UNC5CL: variants seen among roughly 807,000 people sequenced by gnomAD.
UNC5CL encodes unc-5 family C-terminal like.
Under a neutral mutation model 54.1 loss-of-function variants are expected in UNC5CL, and 42 were observed. The observed-to-expected ratio is 0.78, with a 90% CI of 0.61 to 1.00. The LOEUF (loss-of-function observed/expected upper bound fraction) is 1.00, where lower values mean the gene tolerates loss of function less well. UNC5CL is among the 50% of genes least tolerant of loss of function. UNC5CL has a pLI of 0.00. For missense variants in UNC5CL, 619 were observed against 675.6 expected (o/e 0.92, Z 0.93); for synonymous variants, 285 against 285.1 (o/e 1.00, Z 0.00).
At position 41,028,391 on chromosome 6, in the gene UNC5CL, C is replaced by T; in HGVS notation, c.1539G>A (p.Glu513=). ...TGGGCGCTCAGAGCTTCTCGTCCAG[C>T]TCCAGGCCCTGGTTATCCCGGGCGC... ...RGGARDNQGL[E]LDEKL Residue 513 remains glutamate, a synonymous_variant, in exon 9 of 9, where the codon GAG becomes GAA. Transcript: ENST00000244565. The surrounding 1 kb of genome is among the most constrained non-coding windows in gnomAD (Gnocchi z 4.3). 2 of 1,594,220 alleles carry T rather than the reference C, an allele frequency of 1.3e-6. No individual in the cohort carries two copies. Among genetic ancestry groups the T allele is most frequent in the South Asian group, 2.2e-5 (2 of 89,448 alleles).
At chr6:41,036,168 A>G (rs763698240) in intron 1 of UNC5CL, among the ~76,000 whole-genome samples, 27 of 152,386 alleles carry the variant, frequency 1.8e-4, no homozygotes, top group Admixed American at 3.3e-4. Flanking sequence ...TAAAAAGAAC[A>G]GGAGAAATTA....
At position 41,028,352 on chromosome 6, in the gene UNC5CL, C is replaced by T. The variant is rs1475858646; in HGVS notation, c.*21G>A. 6.5e-7 allele frequency: 1 copy of T among 1,547,602 alleles called. No homozygotes were observed. Among genetic ancestry groups the T allele is most frequent in the African/African-American group, 1.4e-5 (1 of 73,588 alleles). On this transcript the variant is annotated 3_prime_UTR_variant, in exon 9 of 9. Transcript: ENST00000244565. This position sits in a 1 kb window ranked among gnomAD's most constrained non-coding sequence, Gnocchi z 4.3. ...AACCCCTCTCGCCCCTACACCTCCT[C>T]CGGCCCTGCCCGCTGGGCGCTCAGA...
rs1762409305 is a variant in UNC5CL, at chr6:41,028,167, G to T, written c.*206C>A. The T allele has an allele frequency of 3.4e-6, 2 of 593,740 alleles. No homozygotes were observed. The highest frequency in any genetic ancestry group is 5.8e-6 in the Non-Finnish European group (2 of 343,614). 36.8% of individuals were successfully genotyped at this position (593,740 alleles called of 1,614,324 possible). On this transcript the variant is annotated 3_prime_UTR_variant, in exon 9 of 9. Coordinates refer to ENST00000244565, the MANE Select transcript of UNC5CL (RefSeq NM_173561.3). The surrounding 1 kb of genome is among the most constrained non-coding windows in gnomAD (Gnocchi z 4.3). The stretch of plus-strand genomic sequence containing the variant: ...GGCTCCTGCGCCCTCTGCCGGCCAG[G>T]AGGGGACCCGCACGCGGGACAGCTC...
In UNC5CL at chr6:41,028,364, G is replaced by T. The variant is rs1412741175; in HGVS notation, c.*9C>A. 1.9e-6 allele frequency: 3 copies of T among 1,561,778 alleles called. No homozygotes were observed. The highest frequency in any genetic ancestry group is 1.9e-5 in the Admixed American group (1 of 52,252). ...CCCTACACCTCCTCCGGCCCTGCCCGCTGGGCGCTCAGAGCTTCTCGTCCA... is the reference window on the plus strand; with the variant it reads ...CCCTACACCTCCTCCGGCCCTGCCCTCTGGGCGCTCAGAGCTTCTCGTCCA... On this transcript the variant is annotated 3_prime_UTR_variant, in exon 9 of 9. Coordinates refer to ENST00000244565, the MANE Select transcript of UNC5CL (RefSeq NM_173561.3). This position sits in a 1 kb window ranked among gnomAD's most constrained non-coding sequence, Gnocchi z 4.3.
At chr6:41,032,763 G>GAA in intron 4 of UNC5CL, 121 bp downstream of exon 4, 2 of 1,370,508 alleles carry the variant, frequency 1.5e-6, no homozygotes, top group Non-Finnish European at 1.9e-6. Context: ...TCCATCTCGG[G>GAA]AAAAAAAAAG....
chr6:41,034,689 C>G lies in UNC5CL; in HGVS notation c.385+1G>C. 1 of 1,600,658 alleles carries G rather than the reference C, an allele frequency of 6.2e-7. No homozygotes were observed. On this transcript the variant is annotated splice_donor_variant, in intron 2 of 8. Coordinates refer to ENST00000244565, the MANE Select transcript of UNC5CL (RefSeq NM_173561.3). LOFTEE classifies it high-confidence loss of function. The stretch of plus-strand genomic sequence containing the variant: ...CGGAGATGAGAGCCAGGAGCTGTTA[C>G]CTGGTGGGATGAGCAAGGAGATGCC...
At chr6:41,035,191 A>C in intron 1 of UNC5CL, 56 bp from the exon 2 acceptor site, 8 of 1,358,910 alleles carry the variant, frequency 5.9e-6, no homozygotes, top group Non-Finnish European at 7.8e-6. Flanking sequence ...TGTGGAGGTC[A>C]AGGCTTGGCT....
intron 8 of UNC5CL, 126 bp downstream of exon 8, chr6:41,030,261 TG>T: frequency 1.2e-6 from 1 of 801,704 alleles, no homozygotes; most frequent in Non-Finnish European, 2.1e-6. Flanking sequence ...GGAAATAGGG[TG>T]GACAGTAGCC....
intron 2 of UNC5CL, 145 bp downstream of exon 2, chr6:41,034,545 C>T (rs1762495613): frequency 1.8e-6 from 2 of 1,106,232 alleles, no homozygotes; most frequent in Non-Finnish European, 2.5e-6. Flanking sequence ...GTAATATGTC[C>T]ATCCCTGAAG....
intron 6 of UNC5CL, among the ~76,000 whole-genome samples, chr6:41,031,378 A>G (rs937524274): frequency 3.0e-4 from 45 of 152,212 alleles, no homozygotes; most frequent in African/African-American, 1.0e-3. Flanking sequence ...ATCAGCCTAG[A>G]AAGAAACCAT....
chr6:41,034,085 C>T lies in UNC5CL; in HGVS notation c.482G>A (p.Ser161Asn), dbSNP rs536857007. ...ATGGGGGCCACATGCCACCACAGGG[C>T]TTACCAGCCCCTGGGCTTGGGACAG... Reference protein sequence around the residue: ...PSLSQAQGLVSPVVACGPHGA... With the variant: ...PSLSQAQGLVNPVVACGPHGA... Residue 161 changes from serine (S) to asparagine (N), a missense_variant, in exon 3 of 9, where the codon AGC becomes AAC. Physicochemically the swap from Ser to Asn is conservative, Grantham distance 46. Transcript: ENST00000244565. 6.2e-7 allele frequency: 1 copy of T among 1,614,172 alleles called. No individual in the cohort carries two copies. Among genetic ancestry groups the T allele is most frequent in the African/African-American group, 1.3e-5 (1 of 75,058 alleles).
At chr6:41,035,874 C>T (rs969622878) in intron 1 of UNC5CL, among the ~76,000 whole-genome samples, 9 of 152,256 alleles carry the variant, frequency 5.9e-5, no homozygotes, top group African/African-American at 2.2e-4. Context: ...CCACCTCCTG[C>T]CTCAATACTG....
At chr6:41,036,932 C>T (rs1001292337) in intron 1 of UNC5CL, among the ~76,000 whole-genome samples, 3 of 152,050 alleles carry the variant, frequency 2.0e-5, no homozygotes, top group Admixed American at 1.3e-4. Flanking sequence ...CCTCCTCCTA[C>T]TTCCCCTCTT....
chr6:41,030,261 T>C lies in UNC5CL; in HGVS notation c.1334+127A>G, dbSNP rs956266310. ...AGCTGCCCTTTTATGGGAAATAGGG[T>C]GGACAGTAGCCATTCTCTGACTTTT... On this transcript the variant is annotated intron_variant, in intron 8 of 8. Transcript: ENST00000244565. 3.9e-5 allele frequency: 31 copies of C among 801,706 alleles called. No individual in the cohort carries two copies. In the African/African-American group the frequency reaches 4.4e-4, roughly 11 times the overall value. The allele number at this position is 801,706 out of a possible 1,614,324, so 49.7% of individuals were successfully genotyped here.
chr6:41,030,332 A>C, intron 8 of UNC5CL, 56 bp downstream of exon 8: 1 of 1,548,282 alleles, frequency 6.5e-7, no homozygotes, highest in Non-Finnish European at 8.9e-7. Context: ...TGTCCTGAGG[A>C]ACCCCATTCC....
Position 41,033,075 on chromosome 6 carries a change from C to T in UNC5CL, c.758G>A (p.Cys253Tyr). 6.2e-7 allele frequency: 1 copy of T among 1,613,256 alleles called. No individual in the cohort carries two copies. The highest frequency in any genetic ancestry group is 8.5e-7 in the Non-Finnish European group (1 of 1,179,648). ...ARKWLQLAVF[C>Y]SPLVPGQSHL... ...GGACTGTCCTGGCACCAGCGGTGAG[C>T]AGAATACGGCCAGCTGCAGCCATTT... The change falls in exon 4 of 9, where the codon TGC (cysteine) becomes TAC (tyrosine). Residue 253 changes from cysteine to tyrosine, a missense_variant. By Grantham distance (194) the Cys-to-Tyr change is radical. Coordinates refer to ENST00000244565, the MANE Select transcript of UNC5CL (RefSeq NM_173561.3).
At position 41,034,956 on chromosome 6, in the gene UNC5CL, A is replaced by C; in HGVS notation, c.119T>G (p.Leu40Arg). 2 of 1,614,046 alleles carry C rather than the reference A, an allele frequency of 1.2e-6. No homozygotes were observed. Among genetic ancestry groups the C allele is most frequent in the Non-Finnish European group, 1.7e-6 (2 of 1,179,886 alleles). ...CLRWHCPRRLLGACWTLNGQE... is the reference protein window; with the variant it reads ...CLRWHCPRRLRGACWTLNGQE... ...ACCATTCAGTGTCCAGCAGGCCCCC[A>C]GCAGCCTTCTAGGGCAGTGCCATCG... Residue 40 changes from leucine (L) to arginine (R), a missense_variant, in exon 2 of 9, where the codon CTG becomes CGG. Physicochemically the swap from Leu to Arg is moderately radical, Grantham distance 102. Coordinates refer to ENST00000244565, the MANE Select transcript of UNC5CL (RefSeq NM_173561.3).
chr6:41,031,712 T>C lies in UNC5CL; in HGVS notation c.1088A>G (p.Glu363Gly). Reference sequence around the variant, plus strand: ...GAAGGTGTGCATGGTGACAATGATCTCATTGGTTAGTGCTGAACAGTCCTC... The same window carrying C: ...GAAGGTGTGCATGGTGACAATGATCCCATTGGTTAGTGCTGAACAGTCCTC... ...ENEDCSALTN[E>G]IIVTMHTFQD... The change falls in exon 6 of 9, where the codon GAG becomes GGG. Residue 363 changes from glutamate (E) to glycine (G), a missense_variant. By Grantham distance (98) the Glu-to-Gly change is moderately conservative. Transcript: ENST00000244565. The C allele has an allele frequency of 1.2e-6, 2 of 1,614,142 alleles. No individual in the cohort carries two copies. Among genetic ancestry groups the C allele is most frequent in the Non-Finnish European group, 1.7e-6 (2 of 1,180,032 alleles).
chr6:41,033,024 A>T lies in UNC5CL; in HGVS notation c.809T>A (p.Leu270His). 6.2e-7 allele frequency: 1 copy of T among 1,609,960 alleles called. No homozygotes were observed. Among genetic ancestry groups the T allele is most frequent in the Non-Finnish European group, 8.5e-7 (1 of 1,178,162 alleles). Residue 270 changes from leucine to histidine, a missense_variant, in exon 4 of 9, where the codon CTC (leucine) becomes CAC (histidine). Transcript: ENST00000244565. ...CTGCAGGGCGCAGGGCGTGTTGTTG[A>T]GGAAGTAGATACGCAGTTGCAGATG... is the stretch of plus-strand genomic sequence containing the variant. ...QSHLQLRIYF[L>H]NNTPCALQWA...
Sources: gnomAD v4.1 joint callset for allele counts (sites outside exome capture counted in the v4.1 genomes callset) on GRCh38, gnomAD v4.1.1 for gene constraint, Gnocchi (gnomAD v3.1) non-coding constraint, MANE v1.5 for transcripts, NCBI Gene and HGNC (gene_info 2026-07-23, HGNC 2026-07-21) for gene names.